USP5: variants seen among roughly 807,000 people sequenced by gnomAD.
USP5 encodes ubiquitin carboxyl-terminal hydrolase 5.
USP5 carries 24 observed loss-of-function variants against 102.5 expected under a neutral mutation model. That is an observed-to-expected ratio of 0.23 (90% CI 0.17 to 0.33). The LOEUF is 0.33. Ranked by LOEUF, USP5 falls within the 10% of genes least tolerant of loss-of-function variation. The probability of loss-of-function intolerance (pLI) is 1.00; values close to 1 mark genes in which losing one functional copy is unlikely to be tolerated. For synonymous variants in USP5, 460 were observed against 434.8 expected (o/e 1.06, Z -0.72); for missense variants, 753 against 1,122.1 (o/e 0.67, Z 4.70).
At chr12:6,859,101 C>T (rs58321642) in intron 8 of USP5, among the ~76,000 whole-genome samples, 3,686 of 152,200 alleles carry the variant, frequency 0.024, 161 homozygotes, top group African/African-American at 0.084. Context: ...GGGGGCTTGG[C>T]ACACTAAGAA....
chr12:6,857,605 T>G, intron 6 of USP5, 24 bp from the exon 7 acceptor site: 1 of 1,608,794 alleles, frequency 6.2e-7, no homozygotes, highest in Non-Finnish European at 8.5e-7. Context: ...CTTCCCCTGA[T>G]TCTCTTCCTG....
chr12:6,857,203 A>G (rs1244045356), intron 6 of USP5, among the ~76,000 whole-genome samples: 1 of 152,136 alleles, frequency 6.6e-6, no homozygotes, highest in African/African-American at 2.4e-5. Flanking sequence ...CTGAGGCAGG[A>G]GGATTGTTTG....
rs1213868447 is a variant in USP5 at position 6,855,880 on chromosome 12, C to T, written c.304+59C>T. ...AGCTGGTCTTTCTGGCTCTCAGCAG[C>T]ACCAGGAAAGCCCCAAAGAGTGGGC... On this transcript the variant is annotated intron_variant, in intron 3 of 19. Transcript: ENST00000229268. This position sits in a 1 kb window ranked among gnomAD's most constrained non-coding sequence, Gnocchi z 4.6. 3 of 1,611,538 alleles carry T rather than the reference C, an allele frequency of 1.9e-6. No homozygotes were observed. Among genetic ancestry groups the T allele is most frequent in the Non-Finnish European group, 1.7e-6 (2 of 1,178,074 alleles).
chr12:6,859,435 A>G, intron 8 of USP5, 35 bp from the exon 9 acceptor site: 6 of 1,608,782 alleles, frequency 3.7e-6, no homozygotes, highest in East Asian at 2.2e-5. Context: ...CGCTCAGGCC[A>G]GAGCCCCTCC....
At chr12:6,857,028 G>C in intron 6 of USP5, 137 bp downstream of exon 6, 1 of 1,208,956 alleles carries the variant, frequency 8.3e-7, no homozygotes, top group Non-Finnish European at 1.1e-6. Flanking sequence ...GCTCATGTTT[G>C]CAATCCCAAC....
rs1328303584 is a variant in USP5, at chr12:6,863,150, C to A, written c.1763-36C>A. 2 of 1,573,844 alleles carry A rather than the reference C, an allele frequency of 1.3e-6. No individual in the cohort carries two copies. The highest frequency in any genetic ancestry group is 1.7e-6 in the Non-Finnish European group (2 of 1,160,250). Reference sequence around the variant, plus strand: ...GTTCCCGAATCACTTTCCAGGTAGGCCTCCGGGAGCTGCTGAGGTGACCCT... The same window carrying A: ...GTTCCCGAATCACTTTCCAGGTAGGACTCCGGGAGCTGCTGAGGTGACCCT... On this transcript the variant is annotated intron_variant, in intron 14 of 19. Transcript: ENST00000229268. The surrounding 1 kb of genome is among the most constrained non-coding windows in gnomAD (Gnocchi z 4.7).
rs1174716488 is a variant in USP5 at position 6,864,310 on chromosome 12, G to T, written c.2244+115G>T. 7.1e-7 allele frequency: 1 copy of T among 1,403,998 alleles called. No individual in the cohort carries two copies. The highest frequency in any genetic ancestry group is 1.4e-5 in the African/African-American group (1 of 69,220). The allele number at this position is 1,403,998 out of a possible 1,614,324, so 87.0% of individuals were successfully genotyped here. A position where few individuals can be genotyped will look rare whatever the true frequency, so the allele number is the denominator to read the frequency against. On this transcript the variant is annotated intron_variant, in intron 17 of 19. Coordinates refer to ENST00000229268, the MANE Select transcript of USP5 (RefSeq NM_001098536.2). The surrounding 1 kb of genome is among the most constrained non-coding windows in gnomAD (Gnocchi z 4.8). Reference sequence around the variant, plus strand: ...AACAGGTGTGGTCTGGCCGAGGTTGGGCACCACTCTTTTGTGGCTGCGATG... The same window carrying T: ...AACAGGTGTGGTCTGGCCGAGGTTGTGCACCACTCTTTTGTGGCTGCGATG...
chr12:6,860,259 C>T lies in USP5; in HGVS notation c.1218+21C>T. 9 of 1,611,138 alleles carry T rather than the reference C, an allele frequency of 5.6e-6. No homozygotes were observed. Among genetic ancestry groups the T allele is most frequent in the Non-Finnish European group, 7.6e-6 (9 of 1,178,126 alleles). On this transcript the variant is annotated intron_variant, in intron 10 of 19. Transcript: ENST00000229268. This position sits in a 1 kb window ranked among gnomAD's most constrained non-coding sequence, Gnocchi z 5.5. ...AGAAGGTGCGTCTAGGACCCTGTCC[C>T]TTTCAGGCCCTGGGATTGTGGGGAA... is the stretch of plus-strand genomic sequence containing the variant.
chr12:6,854,532 A>G (rs1944051021), intron 1 of USP5, among the ~76,000 whole-genome samples: 1 of 150,878 alleles, frequency 6.6e-6, no homozygotes, highest in African/African-American at 2.4e-5. Flanking sequence ...AGGTGGAAGG[A>G]TTGTTTGAGG....
Position 6,861,540 on chromosome 12 carries a change from C to T in USP5, c.1596C>T (p.Cys532=). ...LVRAQVPFSS[C]LEAYGAPEQV... is the part of the protein sequence containing the mutation. The stretch of plus-strand genomic sequence containing the variant: ...GGGCCCAGGTGCCCTTCAGCTCTTG[C>T]CTGGAGGCCTACGGGGCCCCTGAGC... Residue 532 remains cysteine (C), a synonymous_variant, in exon 13 of 20, where the codon TGC becomes TGT. Transcript: ENST00000229268. The surrounding 1 kb of genome is among the most constrained non-coding windows in gnomAD (Gnocchi z 4.9). The T allele has an allele frequency of 6.2e-7, 1 of 1,601,992 alleles. No individual in the cohort carries two copies. Among genetic ancestry groups the T allele is most frequent in the Non-Finnish European group, 8.5e-7 (1 of 1,170,314 alleles).
intron 1 of USP5, among the ~76,000 whole-genome samples, 161 bp downstream of exon 1, chr12:6,852,451 C>T (rs1447549088): frequency 6.6e-6 from 1 of 152,400 alleles, no homozygotes; most frequent in African/African-American, 2.4e-5. Context: ...TTAACTGCGG[C>T]TGTCGTGTGA....
chr12:6,864,763 C>T lies in USP5; in HGVS notation c.2286C>T (p.His762=), dbSNP rs782080851. Residue 762 remains histidine (H), a synonymous_variant, in exon 18 of 20, where the codon CAC becomes CAT. Transcript: ENST00000229268. This position sits in a 1 kb window ranked among gnomAD's most constrained non-coding sequence, Gnocchi z 4.8. ...GGGCTGTGGACTGGATCTTCAGTCA[C>T]ATTGACGACCTGGATGCTGAAGCTG... ...LERAVDWIFS[H]IDDLDAEAAM... is the part of the protein sequence containing the mutation. 1.1e-5 allele frequency: 17 copies of T among 1,613,144 alleles called. No homozygotes were observed. The East Asian group carries it at 3.1e-4, about 30-fold the overall frequency.
In USP5 at chr12:6,863,934, G is replaced by A. The variant is rs1555130138; in HGVS notation, c.2059G>A (p.Ala687Thr). The A allele has an allele frequency of 6.2e-6, 10 of 1,608,636 alleles. No individual in the cohort carries two copies. The highest frequency in any genetic ancestry group is 1.7e-5 in the Admixed American group (1 of 59,460). ...VYYTGNSGAE[A>T]AMNWVMSHMD... is the part of the protein sequence containing the mutation. ...CTACACGGGCAACAGCGGGGCTGAG[G>A]CCGCCATGAACTGGGTCATGTCACA... Residue 687 changes from alanine (A) to threonine (T), a missense_variant, in exon 16 of 20, where the codon GCC (alanine) becomes ACC (threonine). Physicochemically the swap from Ala to Thr is moderately conservative, Grantham distance 58. This residue lies in a region of USP5 where 193 missense variants were observed against 230.2 expected (regional missense o/e 0.84). Coordinates refer to ENST00000229268, the MANE Select transcript of USP5 (RefSeq NM_001098536.2). This position sits in a 1 kb window ranked among gnomAD's most constrained non-coding sequence, Gnocchi z 4.7.
rs1555128307 is a variant in USP5 at position 6,856,402 on chromosome 12, A to G, written c.536A>G (p.His179Arg). The G allele has an allele frequency of 1.9e-6, 3 of 1,613,806 alleles. No individual in the cohort carries two copies. In the Admixed American group the frequency reaches 5.0e-5, roughly 27 times the overall value. Residue 179 changes from histidine to arginine, a missense_variant, in exon 5 of 20, where the codon CAT becomes CGT. His to Arg is a conservative substitution (Grantham distance 29). Transcript: ENST00000229268. The surrounding 1 kb of genome is among the most constrained non-coding windows in gnomAD (Gnocchi z 5.6). ...GGGGAAGTACGGCAGGTGTCTAAGC[A>G]TGCCTTCAGCCTCAAGCAGTTGGAC... ...WDGEVRQVSKHAFSLKQLDNP... is the reference protein window; with the variant it reads ...WDGEVRQVSKRAFSLKQLDNP...
Position 6,857,654 on chromosome 12 carries a change from C to T in USP5, c.795C>T (p.Asp265=), listed in dbSNP as rs372908566. Residue 265 remains aspartate, a synonymous_variant, in exon 7 of 20, where the codon GAC becomes GAT. Coordinates refer to ENST00000229268, the MANE Select transcript of USP5 (RefSeq NM_001098536.2). ...ACGTGTACTCATATGATGAGGATGA[C>T]ATGGTCCTGGACCCCAGCCTGGCTG... The part of the protein sequence containing the change: ...GADVYSYDED[D]MVLDPSLAEH... The T allele has an allele frequency of 5.0e-6, 8 of 1,613,910 alleles. No homozygotes were observed. The highest frequency in any genetic ancestry group is 3.3e-4 in the Middle Eastern group (2 of 6,036).
In USP5 at chr12:6,861,493, A is replaced by G. The variant is rs1944276927; in HGVS notation, c.1549A>G (p.Met517Val). ...GAAGCGGCAAGCCGAAGAGGAGAAG[A>G]TGGCACTGCCAGAACTGGTTCGGGC... Reference protein sequence around the residue: ...EKKRQAEEEKMALPELVRAQV... With the variant: ...EKKRQAEEEKVALPELVRAQV... The change falls in exon 13 of 20, where the codon ATG becomes GTG. Residue 517 changes from methionine to valine, a missense_variant. Coordinates refer to ENST00000229268, the MANE Select transcript of USP5 (RefSeq NM_001098536.2). This position sits in a 1 kb window ranked among gnomAD's most constrained non-coding sequence, Gnocchi z 4.9. The G allele has an allele frequency of 6.3e-7, 1 of 1,597,878 alleles. No individual in the cohort carries two copies. The highest frequency in any genetic ancestry group is 8.6e-7 in the Non-Finnish European group (1 of 1,167,514).
At position 6,860,950 on chromosome 12, in the gene USP5, T is replaced by C. The variant is rs782234077; in HGVS notation, c.1345-3T>C. ...ACCTCCCTACCCTGCCTCTTTCCCATAGAGGAATTGCCGGAGCTCTGAAAA... is the reference window on the plus strand; with the variant it reads ...ACCTCCCTACCCTGCCTCTTTCCCACAGAGGAATTGCCGGAGCTCTGAAAA... On this transcript the variant is annotated splice_polypyrimidine_tract_variant and splice_region_variant and intron_variant, in intron 11 of 19. Coordinates refer to ENST00000229268, the MANE Select transcript of USP5 (RefSeq NM_001098536.2). This position sits in a 1 kb window ranked among gnomAD's most constrained non-coding sequence, Gnocchi z 5.5. 7.4e-6 allele frequency: 12 copies of C among 1,613,876 alleles called. No homozygotes were observed. The highest frequency in any genetic ancestry group is 2.7e-5 in the African/African-American group (2 of 74,862).
rs1228135956 is a variant in USP5, at chr12:6,866,356, TTC to T, written c.*283_*284del. 2.3e-5 allele frequency: 10 copies of T among 428,000 alleles called. No individual in the cohort carries two copies. Among genetic ancestry groups the T allele is most frequent in the African/African-American group, 1.6e-4 (8 of 50,698 alleles). 26.5% of individuals were successfully genotyped at this position (428,000 alleles called of 1,614,324 possible). A position where few individuals can be genotyped will look rare whatever the true frequency, so the allele number is the denominator to read the frequency against. On this transcript the variant is annotated 3_prime_UTR_variant, in exon 20 of 20. Coordinates refer to ENST00000229268, the MANE Select transcript of USP5 (RefSeq NM_001098536.2). The surrounding 1 kb of genome is among the most constrained non-coding windows in gnomAD (Gnocchi z 4.7). The stretch of plus-strand genomic sequence containing the variant: ...GCCCCCGGAATCCACAGTGCTCTGC[TTC>T]TCTGTGTCGCCCCGCCCAGCCCCCT...
chr12:6,858,297 T>C lies in USP5; in HGVS notation c.865-127T>C, dbSNP rs371981144. Reference sequence around the variant, plus strand: ...TGGACGATACTCAACATACCTCCCATGTTTGAGCCTGTAATTCCACAAATT... The same window carrying C: ...TGGACGATACTCAACATACCTCCCACGTTTGAGCCTGTAATTCCACAAATT... On this transcript the variant is annotated intron_variant, in intron 7 of 19. Coordinates refer to ENST00000229268, the MANE Select transcript of USP5 (RefSeq NM_001098536.2). The surrounding 1 kb of genome is among the most constrained non-coding windows in gnomAD (Gnocchi z 4.2). 51 of 940,580 alleles carry C rather than the reference T, an allele frequency of 5.4e-5. No homozygotes were observed. In the East Asian group the frequency reaches 7.9e-4, roughly 15 times the overall value. 58.3% of individuals were successfully genotyped at this position (940,580 alleles called of 1,614,324 possible).
Sources: allele counts gnomAD v4.1 joint callset (sites outside exome capture counted in the v4.1 genomes callset), GRCh38; gene constraint gnomAD v4.1.1; regional missense constraint gnomAD v4.1.1; non-coding constraint Gnocchi (gnomAD v3.1); transcripts MANE v1.5; gene names NCBI Gene and HGNC (gene_info 2026-07-23, HGNC 2026-07-21).